The following SEC61A2 variants were observed in gnomAD, a reference collection of about 807,000 sequenced individuals.
The protein encoded by SEC61A2 is SEC61 translocon subunit alpha 2, also known as protein transport protein Sec61 subunit alpha isoform 2.
In SEC61A2, 28 loss-of-function variants were observed where a neutral mutation model predicts 59.9. The observed-to-expected ratio is 0.47, with a 90% CI of 0.35 to 0.64. The LOEUF (loss-of-function observed/expected upper bound fraction) is 0.64. SEC61A2 is among the 30% of genes least tolerant of loss of function. The probability of loss-of-function intolerance (pLI) is 0.01; values close to 1 mark genes in which losing one functional copy is unlikely to be tolerated. For synonymous variants in SEC61A2, 202 were observed against 214.4 expected (o/e 0.94, Z 0.50); for missense variants, 340 against 585.9 (o/e 0.58, Z 4.33).
chr10:12,139,713 T>G (rs1454919755), intron 3 of SEC61A2, among the ~76,000 whole-genome samples: 2 of 151,506 alleles, frequency 1.3e-5, no homozygotes, highest in Non-Finnish European at 2.9e-5. Flanking sequence ...GAACCCAGGA[T>G]GCAGAGCTTG....
chr10:12,160,954 C>A lies in SEC61A2; in HGVS notation c.1000C>A (p.Arg334Ser). 1 of 1,613,590 alleles carries A rather than the reference C, an allele frequency of 6.2e-7. No individual in the cohort carries two copies. The highest frequency in any genetic ancestry group is 8.5e-7 in the Non-Finnish European group (1 of 1,179,778). Residue 334 changes from arginine (R) to serine (S), a missense_variant, in exon 10 of 12, where the codon CGT becomes AGT. This residue lies in a region of SEC61A2 where 283 missense variants were observed against 483.2 expected (regional missense o/e 0.59). Coordinates refer to ENST00000298428, the MANE Select transcript of SEC61A2 (RefSeq NM_018144.4). The surrounding 1 kb of genome is among the most constrained non-coding windows in gnomAD (Gnocchi z 4.1). ...GGATGTCAGTGGGGGAGGACCCGCA[C>A]GTTCTTACCCAGTTGGAGGCCTTTG... is the stretch of plus-strand genomic sequence containing the variant. ...WADVSGGGPA[R>S]SYPVGGLCYY...
In SEC61A2 at chr10:12,161,192, C is replaced by T. The variant is rs948347272; in HGVS notation, c.1167+71C>T. ...GTGGCGCACATCTGTAATCGTAGCACTTTGGCAGGCTGAGGCCGCTGGATC... is the reference window on the plus strand; with the variant it reads ...GTGGCGCACATCTGTAATCGTAGCATTTTGGCAGGCTGAGGCCGCTGGATC... On this transcript the variant is annotated intron_variant, in intron 10 of 11. Transcript: ENST00000298428. This position sits in a 1 kb window ranked among gnomAD's most constrained non-coding sequence, Gnocchi z 5.4. 3 of 1,321,698 alleles carry T rather than the reference C, an allele frequency of 2.3e-6. No individual in the cohort carries two copies. Among genetic ancestry groups the T allele is most frequent in the African/African-American group, 1.5e-5 (1 of 67,396 alleles). 81.9% of individuals were successfully genotyped at this position (1,321,698 alleles called of 1,614,324 possible). A position where few individuals can be genotyped will look rare whatever the true frequency, so the allele number is the denominator to read the frequency against.
rs1392156280 is a variant in SEC61A2 at position 12,156,791 on chromosome 10, C to T, written c.617-116C>T. ...GGCTATATCATAAAGCAAACATTGGCGAATTCTTTTGACCCATATTTTCTG... is the reference window on the plus strand; with the variant it reads ...GGCTATATCATAAAGCAAACATTGGTGAATTCTTTTGACCCATATTTTCTG... On this transcript the variant is annotated intron_variant, in intron 7 of 11. Coordinates refer to ENST00000298428, the MANE Select transcript of SEC61A2 (RefSeq NM_018144.4). The surrounding 1 kb of genome is among the most constrained non-coding windows in gnomAD (Gnocchi z 5.2). The T allele has an allele frequency of 1.2e-5, 11 of 948,848 alleles. No individual in the cohort carries two copies. The highest frequency in any genetic ancestry group is 6.5e-5 in the South Asian group (4 of 61,214). 58.8% of individuals were successfully genotyped at this position (948,848 alleles called of 1,614,324 possible).
At chr10:12,135,779 G>A (rs533797373) in intron 2 of SEC61A2, among the ~76,000 whole-genome samples, 1 of 152,272 alleles carries the variant, frequency 6.6e-6, no homozygotes, top group South Asian at 2.1e-4. Context: ...CATCCAGGTT[G>A]CTGCAAGGGA....
chr10:12,164,248 C>G lies in SEC61A2; in HGVS notation c.1245-20C>G. On this transcript the variant is annotated intron_variant, in intron 11 of 11. Transcript: ENST00000298428. This position sits in a 1 kb window ranked among gnomAD's most constrained non-coding sequence, Gnocchi z 7.3. ...GTTCCTGGTCTCTGCTGCCGCCTAA[C>G]TTGGGGTTCTGTCTCCTAGGTACAT... is the stretch of plus-strand genomic sequence containing the variant. 3 of 1,611,540 alleles carry G rather than the reference C, an allele frequency of 1.9e-6. No individual in the cohort carries two copies. The highest frequency in any genetic ancestry group is 2.5e-6 in the Non-Finnish European group (3 of 1,179,738).
At chr10:12,166,621 G>C (rs912307766), downstream of SEC61A2, 2 of 420,788 alleles carry the variant, frequency 4.8e-6, no homozygotes, top group Admixed American at 3.0e-5. Flanking sequence ...ATGGTTCTCA[G>C]GGCCTGGCTT....
At chr10:12,141,741 G>T (rs557064475) in intron 3 of SEC61A2, among the ~76,000 whole-genome samples, 1 of 152,012 alleles carries the variant, frequency 6.6e-6, no homozygotes, top group African/African-American at 2.4e-5. Flanking sequence ...CTTAACAGTC[G>T]CACTCCTGAA....
chr10:12,148,358 G>T (rs1225950529), intron 4 of SEC61A2, among the ~76,000 whole-genome samples: 1 of 150,402 alleles, frequency 6.6e-6, no homozygotes, highest in Non-Finnish European at 1.5e-5. Context: ...CAATTCACCT[G>T]CCTCAGCCTC....
At chr10:12,150,555 A>G (rs571069371) in intron 6 of SEC61A2, among the ~76,000 whole-genome samples, 8 of 152,372 alleles carry the variant, frequency 5.3e-5, no homozygotes, top group Non-Finnish European at 1.0e-4. Flanking sequence ...CGTTTTTGTA[A>G]GTAGAAAATT....
rs1026292630 is a variant in SEC61A2, at chr10:12,164,595, C to T, written c.*141C>T. Reference sequence around the variant, plus strand: ...CTGACTGACCCGTTTCTGAAATGGGCACCGAGCTAAGTCTGTGTGCAGCAT... The same window carrying T: ...CTGACTGACCCGTTTCTGAAATGGGTACCGAGCTAAGTCTGTGTGCAGCAT... On this transcript the variant is annotated 3_prime_UTR_variant, in exon 12 of 12. Coordinates refer to ENST00000298428, the MANE Select transcript of SEC61A2 (RefSeq NM_018144.4). This position sits in a 1 kb window ranked among gnomAD's most constrained non-coding sequence, Gnocchi z 7.3. 1.1e-5 allele frequency: 16 copies of T among 1,452,380 alleles called. No homozygotes were observed. Among genetic ancestry groups the T allele is most frequent in the South Asian group, 1.5e-5 (1 of 68,694 alleles). The allele number at this position is 1,452,380 out of a possible 1,614,324, so 90.0% of individuals were successfully genotyped here.
At chr10:12,163,285 C>CAGGTGTGT (rs1243591839) in intron 11 of SEC61A2, among the ~76,000 whole-genome samples, 1 of 150,730 alleles carries the variant, frequency 6.6e-6, no homozygotes, top group African/African-American at 2.4e-5. Context: ...CTTGGGACCA[C>CAGGTGTGT]AGGTGTGTGC....
At position 12,129,724 on chromosome 10, in the gene SEC61A2, G is replaced by A; in HGVS notation, c.-64G>A. On this transcript the variant is annotated 5_prime_UTR_variant, in exon 1 of 12. Transcript: ENST00000298428. This position sits in a 1 kb window ranked among gnomAD's most constrained non-coding sequence, Gnocchi z 5.6. ...GGGAGCCGGTACCGAGGCCCGAGCCGCGGGAGTCGAGCGAAGGCAGCGCCG... is the reference window on the plus strand; with the variant it reads ...GGGAGCCGGTACCGAGGCCCGAGCCACGGGAGTCGAGCGAAGGCAGCGCCG... 10 of 1,459,554 alleles carry A rather than the reference G, an allele frequency of 6.9e-6. No homozygotes were observed. In the South Asian group the frequency reaches 1.1e-4, roughly 17 times the overall value. The allele number at this position is 1,459,554 out of a possible 1,614,324, so 90.4% of individuals were successfully genotyped here.
downstream of SEC61A2, chr10:12,167,611 C>A: frequency 7.9e-7 from 1 of 1,265,484 alleles, no homozygotes; most frequent in Non-Finnish European, 1.1e-6. Flanking sequence ...AAGCTAATGG[C>A]AAATCTACAT....
rs1423609037 is a variant in SEC61A2, at chr10:12,158,780, C to T, written c.975+675C>T. 6.6e-6 allele frequency among the ~76,000 whole-genome samples: 1 copy of T among 152,070 alleles called. No individual in the cohort carries two copies. On this transcript the variant is annotated intron_variant, in intron 9 of 11. Transcript: ENST00000298428. This position sits in a 1 kb window ranked among gnomAD's most constrained non-coding sequence, Gnocchi z 5.7. ...TTTGCTGCTGCTAACATGTGAGATA[C>T]TGGACTCATCCTAACCTTTCCTATC... is the stretch of plus-strand genomic sequence containing the variant.
chr10:12,168,007 C>T (rs1834749349), downstream of SEC61A2: 1 of 1,007,778 alleles, frequency 9.9e-7, no homozygotes. This position sits in a 1 kb window ranked among gnomAD's most constrained non-coding sequence, Gnocchi z 4.8. Flanking sequence ...TAGCATGAGA[C>T]AAGAACATCA....
intron 1 of SEC61A2, among the ~76,000 whole-genome samples, chr10:12,130,437 T>C (rs1833706343): frequency 6.6e-6 from 1 of 152,142 alleles, no homozygotes; most frequent in Non-Finnish European, 1.5e-5. Flanking sequence ...GGATGATGGG[T>C]CGTGCATACC....
At position 12,158,155 on chromosome 10, in the gene SEC61A2, T is replaced by C. The variant is rs1295227021; in HGVS notation, c.975+50T>C. 1.4e-6 allele frequency: 2 copies of C among 1,425,538 alleles called. No individual in the cohort carries two copies. The allele number at this position is 1,425,538 out of a possible 1,614,324, so 88.3% of individuals were successfully genotyped here. A position where few individuals can be genotyped will look rare whatever the true frequency, so the allele number is the denominator to read the frequency against. On this transcript the variant is annotated intron_variant, in intron 9 of 11. Transcript: ENST00000298428. This position sits in a 1 kb window ranked among gnomAD's most constrained non-coding sequence, Gnocchi z 5.7. ...ATTTATAGTTTATTATAATTTGCAT[T>C]TCATGGTTGTATTTTTAATGGAATG...
rs143973175 is a variant in SEC61A2 at position 12,145,643 on chromosome 10, TGTAA to T, written c.220+2453_220+2456del. Among the ~76,000 whole-genome samples the T allele has an allele frequency of 1.3e-5, 2 of 152,336 alleles. No homozygotes were observed. The highest frequency in any genetic ancestry group is 4.8e-5 in the African/African-American group (2 of 41,574). On this transcript the variant is annotated intron_variant, in intron 4 of 11. Coordinates refer to ENST00000298428, the MANE Select transcript of SEC61A2 (RefSeq NM_018144.4). The surrounding 1 kb of genome is among the most constrained non-coding windows in gnomAD (Gnocchi z 4.4). Reference sequence around the variant, plus strand: ...TATTAGTGTGTTAGATTCCTTTTGTTGTAAGTAATAGGAAACTAGATGCTTTCGT... The same window carrying T: ...TATTAGTGTGTTAGATTCCTTTTGTTGTAATAGGAAACTAGATGCTTTCGT...
Position 12,140,657 on chromosome 10 carries a change from A to G in SEC61A2, c.142-2460A>G, listed in dbSNP as rs530098224. ...GTCACCCAGGCTGGAGTGCAGTGGC[A>G]TGATCTCAGCTCACTGCAACCTCCG... On this transcript the variant is annotated intron_variant, in intron 3 of 11. Coordinates refer to ENST00000298428, the MANE Select transcript of SEC61A2 (RefSeq NM_018144.4). Among the ~76,000 whole-genome samples, 226 of 152,248 alleles carry G rather than the reference A, an allele frequency of 1.5e-3. 1 individual carries two copies. The highest frequency in any genetic ancestry group is 2.3e-3 in the Non-Finnish European group (155 of 68,012).
Sources: allele counts gnomAD v4.1 joint callset (sites outside exome capture counted in the v4.1 genomes callset), GRCh38; gene constraint gnomAD v4.1.1; regional missense constraint gnomAD v4.1.1; non-coding constraint Gnocchi (gnomAD v3.1); transcripts MANE v1.5; gene names NCBI Gene and HGNC (gene_info 2026-07-23, HGNC 2026-07-21).